Variants in ZNF18 observed in about 807,000 individuals in gnomAD.
ZNF18 encodes zinc finger protein 18.
A neutral mutation model predicts 58.1 loss-of-function variants in ZNF18; 42 were observed. That is an observed-to-expected ratio of 0.72 (90% CI 0.56 to 0.93). The LOEUF is 0.93. Among genes scored for constraint, ZNF18 ranks in the 40% least tolerant of loss-of-function variants. The pLI is 0.00. For synonymous variants in ZNF18, 231 were observed against 239.8 expected, an observed-to-expected ratio of 0.96 and a Z score of 0.34; for missense variants, 540 against 644.2, an observed-to-expected ratio of 0.84 and a Z score of 1.75.
Position 11,989,116 on chromosome 17 carries a change from G to A in ZNF18, c.666+1346C>T, listed in dbSNP as rs577113337. Among the ~76,000 whole-genome samples the A allele has an allele frequency of 3.3e-5, 5 of 150,418 alleles. No homozygotes were observed. In the South Asian group the frequency reaches 8.4e-4, roughly 25 times the overall value. Reference sequence around the variant, plus strand: ...GGAGGTTGTAGTGAGCTGAGATCGCGCCACTGCACTCCAGCCTAGGCAACA... The same window carrying A: ...GGAGGTTGTAGTGAGCTGAGATCGCACCACTGCACTCCAGCCTAGGCAACA... On this transcript the variant is annotated intron_variant, in intron 4 of 6. Transcript: ENST00000580306.
chr17:11,982,988 G>T (rs977700627), intron 6 of ZNF18, among the ~76,000 whole-genome samples: 1 of 152,040 alleles, frequency 6.6e-6, no homozygotes, highest in African/African-American at 2.4e-5. Context: ...TACTCTATTT[G>T]TATTGGTCTT....
At position 11,990,464 on chromosome 17, in the gene ZNF18, G is replaced by A. The variant is rs767941184; in HGVS notation, c.664C>T (p.Gln222Ter). ...ATCGCTTTTGTACGTCAGCTCACCT[G>A]AGGTGCTGCTGGGAGCAGTGAGGCT... ...LGASLLPAAPQEQWRQLDSTQ... is the reference protein window; with the variant it reads ...LGASLLPAAP Residue 222 changes from glutamine (Q) to a stop codon, truncating the protein, a stop_gained and splice_region_variant, in exon 4 of 7, where the codon CAG becomes TAG. Transcript: ENST00000580306. LOFTEE classifies it high-confidence loss of function. 6 of 1,612,208 alleles carry A rather than the reference G, an allele frequency of 3.7e-6. No individual in the cohort carries two copies. Among genetic ancestry groups the A allele is most frequent in the Admixed American group, 1.7e-5 (1 of 59,860 alleles).
At chr17:11,988,986 C>T (rs1182092088) in intron 4 of ZNF18, among the ~76,000 whole-genome samples, 1 of 151,880 alleles carries the variant, frequency 6.6e-6, no homozygotes, top group African/African-American at 2.4e-5. Flanking sequence ...TGGTGAAACC[C>T]CATCTCTACT....
chr17:12,003,759 C>A, the ZNF18 span, among the ~76,000 whole-genome samples: 1 of 152,204 alleles, frequency 6.6e-6, no homozygotes, highest in South Asian at 2.1e-4. Flanking sequence ...CTTAGGCAGA[C>A]CCCTTTGAGC....
the ZNF18 span, among the ~76,000 whole-genome samples, chr17:12,018,669 T>C: frequency 6.6e-6 from 1 of 152,148 alleles, no homozygotes; most frequent in Admixed American, 6.5e-5. Context: ...AATGTGAGCA[T>C]AAGAAAAAGT....
At chr17:11,982,172 C>CTGGAG in intron 6 of ZNF18, among the ~76,000 whole-genome samples, 1 of 152,154 alleles carries the variant, frequency 6.6e-6, no homozygotes, top group Admixed American at 6.5e-5. Context: ...TCCCAACCTC[C>CTGGAG]AGAAATGTGA....
At chr17:11,990,933 CA>C (rs1567605918) in intron 3 of ZNF18, 40 bp downstream of exon 3, 5 of 1,583,280 alleles carry the variant, frequency 3.2e-6, no homozygotes, top group Non-Finnish European at 4.3e-6. Context: ...ATCACAATCC[CA>C]AAATCTCTCC....
chr17:11,986,361 CT>C (rs1466849969), intron 4 of ZNF18, among the ~76,000 whole-genome samples: 2 of 152,130 alleles, frequency 1.3e-5, no homozygotes, highest in African/African-American at 4.8e-5. Flanking sequence ...AGTCTGCCCC[CT>C]AGCACATCAA....
intron 4 of ZNF18, 49 bp from the exon 5 acceptor site, chr17:11,984,246 G>T: frequency 6.4e-7 from 1 of 1,556,780 alleles, no homozygotes; most frequent in Non-Finnish European, 8.7e-7. Context: ...TCCAATGAAG[G>T]TGTTTGAACC....
intron 4 of ZNF18, among the ~76,000 whole-genome samples, chr17:11,987,148 C>T (rs4450439): frequency 0.19 from 28,507 of 152,158 alleles, 2,742 homozygotes; most frequent in Admixed American, 0.22. Context: ...TTGTGTGGAA[C>T]TGGCACCATC....
At position 11,978,454 on chromosome 17, in the gene ZNF18, T is replaced by C; in HGVS notation, c.1153A>G (p.Met385Val). ...PNPHSGEMST[M>V]WLEEKRETSQ... ...GTCTCTCTCTTCTCCTCAAGCCACA[T>C]GGTGGACATTTCTCCTGAATGAGGA... The change falls in exon 7 of 7, where the codon ATG (methionine) becomes GTG (valine). Residue 385 changes from methionine to valine, a missense_variant. Transcript: ENST00000580306. The C allele has an allele frequency of 1.3e-6, 2 of 1,575,328 alleles. No individual in the cohort carries two copies. Among genetic ancestry groups the C allele is most frequent in the Non-Finnish European group, 1.7e-6 (2 of 1,162,344 alleles).
At chr17:12,004,952 C>T in the ZNF18 span, among the ~76,000 whole-genome samples, 1 of 149,982 alleles carries the variant, frequency 6.7e-6, no homozygotes, top group South Asian at 2.1e-4. Context: ...CTGAATGGCA[C>T]CTTAACAAGA....
the ZNF18 span, chr17:12,021,371 G>C: frequency 1.3e-5 from 2 of 155,074 alleles, no homozygotes; most frequent in East Asian, 3.7e-4. Flanking sequence ...GCTCGGGGCT[G>C]CGGCGGAGCG....
chr17:12,017,934 C>T, the ZNF18 span, among the ~76,000 whole-genome samples: 1 of 151,560 alleles, frequency 6.6e-6, no homozygotes, highest in African/African-American at 2.4e-5. Context: ...TCATAAAAAA[C>T]AAGCAAGCTA....
At chr17:11,986,075 G>A (rs1356246175) in intron 4 of ZNF18, among the ~76,000 whole-genome samples, 1 of 152,146 alleles carries the variant, frequency 6.6e-6, no homozygotes, top group African/African-American at 2.4e-5. Context: ...GAACCAAGTG[G>A]GCAGTTCTTT....
chr17:12,015,830 T>G, the ZNF18 span, among the ~76,000 whole-genome samples: 6 of 152,052 alleles, frequency 3.9e-5, no homozygotes, highest in Non-Finnish European at 8.8e-5. Context: ...TCTCTGTCAC[T>G]CAGGCTGGAG....
At chr17:11,997,034 C>T (rs8071405) in intron 1 of ZNF18, 134,843 of 152,322 alleles carry the variant, frequency 0.89, 61,924 homozygotes, top group East Asian at 1. Flanking sequence ...CAAATGCCGA[C>T]TGCACTCTGA....
At chr17:12,002,090 T>C (rs1249773491), upstream of ZNF18, among the ~76,000 whole-genome samples, 1 of 152,144 alleles carries the variant, frequency 6.6e-6, no homozygotes, top group African/African-American at 2.4e-5. Flanking sequence ...CAAGTCTATT[T>C]CTTACAAACT....
At chr17:12,004,902 AAAAAG>A in the ZNF18 span, among the ~76,000 whole-genome samples, 1 of 151,054 alleles carries the variant, frequency 6.6e-6, no homozygotes, top group Non-Finnish European at 1.5e-5. Context: ...AAAAAAAAAA[AAAAAG>A]AAAAGAAATG....
Sources: allele counts gnomAD v4.1 joint callset (sites outside exome capture counted in the v4.1 genomes callset), GRCh38; gene constraint gnomAD v4.1.1; transcripts MANE v1.5; gene names NCBI Gene and HGNC (gene_info 2026-07-23, HGNC 2026-07-21).